C8orf34: variants seen among roughly 807,000 people sequenced by gnomAD.
C8orf34 encodes uncharacterized protein C8orf34.
A neutral mutation model predicts 68.3 loss-of-function variants in C8orf34; 65 were observed. That is an observed-to-expected ratio of 0.95 (90% CI 0.78 to 1.17). C8orf34 has a LOEUF of 1.17. C8orf34 is among the 50% of genes most tolerant of loss of function. The pLI is 0.00. For synonymous variants in C8orf34, 244 were observed against 241.2 expected, an observed-to-expected ratio of 1.01 and a Z score of -0.11; for missense variants, 664 against 655.4, an observed-to-expected ratio of 1.01 and a Z score of -0.14.
chr8:68,509,078 A>C (rs1221241283), intron 5 of C8orf34, among the ~76,000 whole-genome samples: 2 of 152,088 alleles, frequency 1.3e-5, no homozygotes, highest in Non-Finnish European at 2.9e-5. Flanking sequence ...TGGCTTTCTC[A>C]TTCCCCCCTC....
rs141883036 is a variant in C8orf34 at position 68,712,349 on chromosome 8, C to T, written c.1327+3270C>T. On this transcript the variant is annotated intron_variant, in intron 9 of 13. Transcript: ENST00000518698. ...ATACTACCTCACATCTCTATACTAA[C>T]ATTGAATGTAAATGTCTTAAATGCT... 3.5e-3 allele frequency among the ~76,000 whole-genome samples: 526 copies of T among 152,206 alleles called. 3 individuals are homozygous for T. Among genetic ancestry groups the T allele is most frequent in the African/African-American group, 0.012 (497 of 41,540 alleles).
At chr8:68,510,940 G>A (rs1244309005) in intron 5 of C8orf34, among the ~76,000 whole-genome samples, 2 of 152,108 alleles carry the variant, frequency 1.3e-5, no homozygotes, top group African/African-American at 4.8e-5. Context: ...CATATGTCAG[G>A]AACCCTGTAC....
At chr8:68,332,351 T>TCCCGCCTTGACCCCGCCTTGCC (rs1805654533) in intron 1 of C8orf34, among the ~76,000 whole-genome samples, 23 of 105,982 alleles carry the variant, frequency 2.2e-4, no homozygotes, top group African/African-American at 8.0e-4. Flanking sequence ...GTCGAGGTGC[T>TCCCGCCTTGACCCCGCCTTGCC]CCCGCCTTGC....
intron 12 of C8orf34, among the ~76,000 whole-genome samples, chr8:68,807,126 G>A (rs2978225): frequency 0.11 from 16,886 of 152,190 alleles, 1,095 homozygotes; most frequent in Middle Eastern, 0.16. Context: ...GACAGGAAGT[G>A]GAAAAGTCCT....
chr8:68,700,108 A>G (rs138870416), intron 8 of C8orf34, among the ~76,000 whole-genome samples: 1 of 152,254 alleles, frequency 6.6e-6, no homozygotes, highest in Admixed American at 6.5e-5. Context: ...ATCAATAGCA[A>G]GAATCAGGCC....
chr8:68,568,294 G>A (rs1180206645), intron 7 of C8orf34, among the ~76,000 whole-genome samples: 3 of 151,874 alleles, frequency 2.0e-5, no homozygotes, highest in African/African-American at 7.3e-5. Flanking sequence ...TCACAACTTG[G>A]CTAACTGGTG....
rs188620834 is a variant in C8orf34, at chr8:68,717,655, G to A, written c.1328-3706G>A. Among the ~76,000 whole-genome samples the A allele has an allele frequency of 3.3e-3, 508 of 152,006 alleles. 8 individuals are homozygous for A. Among genetic ancestry groups the A allele is most frequent in the East Asian group, 0.014 (74 of 5,172 alleles). ...GGTGTTTATTTTGTCTTTGTAATTT[G>A]TAATTTAAATAGATCATATATACTA... On this transcript the variant is annotated intron_variant, in intron 9 of 13. Transcript: ENST00000518698.
Position 68,649,130 on chromosome 8 carries a change from A to G in C8orf34, c.1241+8619A>G, listed in dbSNP as rs540671694. ...TGGATAAGGACAAAAAAGGATTACTATCACTTGTTTAAATTTTGAAGTTTT... is the reference window on the plus strand; with the variant it reads ...TGGATAAGGACAAAAAAGGATTACTGTCACTTGTTTAAATTTTGAAGTTTT... On this transcript the variant is annotated intron_variant, in intron 8 of 13. Coordinates refer to ENST00000518698, the MANE Select transcript of C8orf34 (RefSeq NM_052958.4). Among the ~76,000 whole-genome samples, 3 of 152,322 alleles carry G rather than the reference A, an allele frequency of 2.0e-5. No homozygotes were observed. The East Asian group carries it at 5.8e-4, about 29-fold the overall frequency.
At chr8:68,530,655 A>G (rs1382677143) in intron 6 of C8orf34, 3 of 1,187,180 alleles carry the variant, frequency 2.5e-6, no homozygotes, top group African/African-American at 1.6e-5. Context: ...CTGAAGCTAA[A>G]TAAACTTCTT....
Position 68,813,369 on chromosome 8 carries a change from GT to G in C8orf34, c.1550-2504del, listed in dbSNP as rs769126924. Among the ~76,000 whole-genome samples, 352 of 143,496 alleles carry G rather than the reference GT, an allele frequency of 2.5e-3. 1 individual carries two copies. Among genetic ancestry groups the G allele is most frequent in the Middle Eastern group, 0.015 (4 of 270 alleles). 94.1% of individuals were successfully genotyped at this position (143,496 alleles called of 152,430 possible). On this transcript the variant is annotated intron_variant, in intron 12 of 13. Transcript: ENST00000518698. Reference sequence around the variant, plus strand: ...CAGAAACTTGAAATCAGATAATTCTGTTTTTTTTTTTTTATTCTCTGTTATC... The same window carrying G: ...CAGAAACTTGAAATCAGATAATTCTGTTTTTTTTTTTTATTCTCTGTTATC...
intron 7 of C8orf34, among the ~76,000 whole-genome samples, chr8:68,597,481 C>T (rs1319647678): frequency 6.6e-6 from 1 of 152,040 alleles, no homozygotes; most frequent in Non-Finnish European, 1.5e-5. Context: ...ACATTGAAAA[C>T]TCATCTATTT....
At chr8:68,686,326 CA>C (rs576268176) in intron 8 of C8orf34, among the ~76,000 whole-genome samples, 2 of 151,680 alleles carry the variant, frequency 1.3e-5, no homozygotes, top group Non-Finnish European at 2.9e-5. Flanking sequence ...AAGGACTTTA[CA>C]AAAAAAGAAA....
intron 7 of C8orf34, among the ~76,000 whole-genome samples, chr8:68,634,961 A>C (rs1818792962): frequency 6.6e-6 from 1 of 152,284 alleles, no homozygotes; most frequent in South Asian, 2.1e-4. Flanking sequence ...GTGAACCAGC[A>C]AATGAATTCC....
intron 7 of C8orf34, among the ~76,000 whole-genome samples, chr8:68,594,946 T>G (rs982203009): frequency 7.2e-5 from 11 of 151,976 alleles, no homozygotes; most frequent in African/African-American, 2.7e-4. Context: ...TATTTTTACT[T>G]TATGGTATTT....
intron 3 of C8orf34, among the ~76,000 whole-genome samples, chr8:68,450,259 A>G (rs1012137905): frequency 6.6e-6 from 1 of 152,088 alleles, no homozygotes; most frequent in East Asian, 1.9e-4. Context: ...TATTTCCACC[A>G]TATATTCAGT....
intron 1 of C8orf34, among the ~76,000 whole-genome samples, chr8:68,416,231 A>G (rs1809659087): frequency 1.3e-5 from 2 of 152,138 alleles, no homozygotes; most frequent in African/African-American, 4.8e-5. Context: ...AGTGTTTTCA[A>G]TGTTTAACAA....
chr8:68,369,572 A>T (rs1807466311), intron 1 of C8orf34, among the ~76,000 whole-genome samples: 1 of 152,172 alleles, frequency 6.6e-6, no homozygotes, highest in Non-Finnish European at 1.5e-5. Context: ...GAGCTACCTG[A>T]CATGTAACTT....
chr8:68,430,972 C>T (rs1452066857), intron 1 of C8orf34, among the ~76,000 whole-genome samples: 1 of 152,048 alleles, frequency 6.6e-6, no homozygotes, highest in East Asian at 1.9e-4. Flanking sequence ...TTTTCTACTC[C>T]TTACCACAAA....
chr8:68,432,543 A>G (rs570930349), intron 1 of C8orf34, among the ~76,000 whole-genome samples: 60 of 152,196 alleles, frequency 3.9e-4, no homozygotes, highest in Non-Finnish European at 7.9e-4. Flanking sequence ...CCTGAACTCA[A>G]GTGATCTGCC....
Sources: allele counts gnomAD v4.1 joint callset (sites outside exome capture counted in the v4.1 genomes callset), GRCh38; gene constraint gnomAD v4.1.1; transcripts MANE v1.5; gene names NCBI Gene and HGNC (gene_info 2026-07-23, HGNC 2026-07-21).